Variants in PRELID3B observed in about 807,000 individuals in gnomAD.
The protein encoded by PRELID3B is PRELI domain containing protein 3B.
A neutral mutation model predicts 24.0 loss-of-function variants in PRELID3B; 15 were observed. That is an observed-to-expected ratio of 0.63 (90% CI 0.42 to 0.96). The LOEUF (loss-of-function observed/expected upper bound fraction) is 0.96. Ranked by LOEUF, PRELID3B falls within the 40% of genes least tolerant of loss-of-function variation. PRELID3B has a pLI of 0.00. For synonymous variants in PRELID3B, 62 were observed against 76.0 expected (o/e 0.82, Z 0.96); for missense variants, 189 against 236.0 (o/e 0.80, Z 1.30).
rs758339262 is a variant in PRELID3B at position 59,036,675 on chromosome 20, A to G, written c.362+15T>C. On this transcript the variant is annotated intron_variant, in intron 4 of 5. Transcript: ENST00000355937. ...CACCCTTTACGATACATTTGTTAAA[A>G]TATTTTTTACTCACTTTTCTGGATC... is the stretch of plus-strand genomic sequence containing the variant. The G allele has an allele frequency of 2.0e-5, 32 of 1,593,052 alleles. No homozygotes were observed. Among genetic ancestry groups the G allele is most frequent in the Non-Finnish European group, 2.7e-5 (31 of 1,165,664 alleles).
chr20:59,036,903 C>G, intron 3 of PRELID3B, 143 bp from the exon 4 acceptor site: 1 of 641,222 alleles, frequency 1.6e-6, no homozygotes, highest in South Asian at 2.0e-5. Flanking sequence ...ATAAACTATT[C>G]ACTGCCTACT....
Position 59,037,278 on chromosome 20 carries a change from A to G in PRELID3B, c.204T>C (p.Leu68=), listed in dbSNP as rs1160365925. The G allele has an allele frequency of 3.7e-6, 6 of 1,609,798 alleles. No individual in the cohort carries two copies. The highest frequency in any genetic ancestry group is 2.2e-5 in the East Asian group (1 of 44,862). ...ATGTTTTCGTTCTTGCTGCACCAATAAGCTAAGTAAAACATTCAGAACTAG... is the reference window on the plus strand; with the variant it reads ...ATGTTTTCGTTCTTGCTGCACCAATGAGCTAAGTAAAACATTCAGAACTAG... ...EWGLPSIVKS[L]IGAARTKTYV... The change falls in exon 3 of 6, where the codon CTT becomes CTC. Residue 68 remains leucine, a splice_region_variant and synonymous_variant. Coordinates refer to ENST00000355937, the MANE Select transcript of PRELID3B (RefSeq NM_016045.3).
At chr20:59,036,257 T>C (rs1281842072) in intron 5 of PRELID3B, among the ~76,000 whole-genome samples, 1 of 152,178 alleles carries the variant, frequency 6.6e-6, no homozygotes, top group African/African-American at 2.4e-5. Context: ...AACTGAGGCA[T>C]AGAAAGGTTA....
intron 5 of PRELID3B, among the ~76,000 whole-genome samples, chr20:59,035,769 C>G (rs141490673): frequency 0.011 from 1,707 of 152,296 alleles, 11 homozygotes; most frequent in Admixed American, 0.028. Context: ...CTTAGTTCCA[C>G]GGGGGCAGGG....
intron 1 of PRELID3B, among the ~76,000 whole-genome samples, chr20:59,041,433 C>T (rs115825198): frequency 0.011 from 1,615 of 152,312 alleles, 20 homozygotes; most frequent in Middle Eastern, 0.037. Context: ...CCTTCAGAGG[C>T]CGGGCACAGT....
At chr20:59,042,631 C>T in intron 1 of PRELID3B, 68 bp downstream of exon 1, 2 of 1,538,968 alleles carry the variant, frequency 1.3e-6, no homozygotes. Flanking sequence ...CGGGCCGCCT[C>T]TGCCTCGCCT....
In PRELID3B at chr20:59,038,507, G is replaced by C; in HGVS notation, c.160C>G (p.Leu54Val). The C allele has an allele frequency of 6.2e-7, 1 of 1,613,918 alleles. No homozygotes were observed. The highest frequency in any genetic ancestry group is 8.5e-7 in the Non-Finnish European group (1 of 1,179,838). ...GGCAGTCCCCACTCTGTGCTGAGAA[G>C]TCTGTGGCTGTGCAACTTTCCAGAG... ...DPSGKLHSHR[L>V]LSTEWGLPSI... The change falls in exon 2 of 6, where the codon CTT becomes GTT. Residue 54 changes from leucine (L) to valine (V), a missense_variant. Physicochemically the swap from Leu to Val is conservative, Grantham distance 32. Coordinates refer to ENST00000355937, the MANE Select transcript of PRELID3B (RefSeq NM_016045.3).
intron 1 of PRELID3B, 146 bp downstream of exon 1, chr20:59,042,553 G>A: frequency 3.7e-6 from 2 of 545,694 alleles, no homozygotes; most frequent in Non-Finnish European, 5.9e-6. Context: ...TCTGCCCTCC[G>A]TGTCGCCGGG....
chr20:59,039,324 C>T (rs751345384), intron 1 of PRELID3B, among the ~76,000 whole-genome samples: 1 of 152,234 alleles, frequency 6.6e-6, no homozygotes, highest in Non-Finnish European at 1.5e-5. Context: ...ATAATAAGCA[C>T]TTGCTTATCA....
At chr20:59,041,691 C>G (rs1407958097) in intron 1 of PRELID3B, among the ~76,000 whole-genome samples, 1 of 152,124 alleles carries the variant, frequency 6.6e-6, no homozygotes, top group African/African-American at 2.4e-5. Context: ...GCCAAGAACA[C>G]GCCACTACTC....
intron 3 of PRELID3B, 94 bp from the exon 4 acceptor site, chr20:59,036,854 A>G: frequency 5.1e-6 from 4 of 782,550 alleles, no homozygotes; most frequent in Non-Finnish European, 8.2e-6. Flanking sequence ...AAATCTTACT[A>G]AACATACAAA....
intron 1 of PRELID3B, among the ~76,000 whole-genome samples, chr20:59,042,009 C>T (rs2092113707): frequency 6.6e-6 from 1 of 152,182 alleles, no homozygotes; most frequent in Non-Finnish European, 1.5e-5. Flanking sequence ...TTCACATTAT[C>T]CAAAAAGATG....
Position 59,034,890 on chromosome 20 carries a change from C to CAAAAAAAAA in PRELID3B, c.*108_*116dup. The CAAAAAAAAA allele has an allele frequency of 3.0e-6, 2 of 665,896 alleles. No homozygotes were observed. Among genetic ancestry groups the CAAAAAAAAA allele is most frequent in the South Asian group, 4.9e-5 (1 of 20,396 alleles). 41.2% of individuals were successfully genotyped at this position (665,896 alleles called of 1,614,324 possible). A position where few individuals can be genotyped will look rare whatever the true frequency, so the allele number is the denominator to read the frequency against. ...GTCACATAGCCTTACACCAACTTATCAAAAAAAAAAAAAAAAAAACTACCC... is the reference window on the plus strand; with the variant it reads ...GTCACATAGCCTTACACCAACTTATCAAAAAAAAAAAAAAAAAAAAAAAAAAAACTACCC... On this transcript the variant is annotated 3_prime_UTR_variant, in exon 6 of 6. Transcript: ENST00000355937.
intron 3 of PRELID3B, 140 bp from the exon 4 acceptor site, chr20:59,036,900 AT>A (rs2092077144): frequency 3.1e-6 from 2 of 643,026 alleles, no homozygotes; most frequent in Non-Finnish European, 5.4e-6. Context: ...TGCATAAACT[AT>A]TCACTGCCTA....
At chr20:59,042,274 C>G (rs2092115472) in intron 1 of PRELID3B, among the ~76,000 whole-genome samples, 1 of 152,260 alleles carries the variant, frequency 6.6e-6, no homozygotes, top group African/African-American at 2.4e-5. Flanking sequence ...GGAAAGTACA[C>G]TCTGGAGAAA....
In PRELID3B at chr20:59,042,725, C is replaced by T. The variant is rs1369822360; in HGVS notation, c.6G>A (p.Lys2=). M[K]IWTSEHVFDH... ...CAAAGACGTGCTCCGAAGTCCAGAT[C>T]TTCATGGTGCCGGCACCCTGAGAGA... The change falls in exon 1 of 6, where the codon AAG becomes AAA. Residue 2 remains lysine (K), a synonymous_variant. Coordinates refer to ENST00000355937, the MANE Select transcript of PRELID3B (RefSeq NM_016045.3). The T allele has an allele frequency of 8.1e-6, 13 of 1,602,244 alleles. No individual in the cohort carries two copies. The highest frequency in any genetic ancestry group is 4.5e-5 in the East Asian group (2 of 44,462).
In PRELID3B at chr20:59,036,511, T is replaced by G; in HGVS notation, c.425A>C (p.Glu142Ala). 6.2e-7 allele frequency: 1 copy of G among 1,614,148 alleles called. No homozygotes were observed. The highest frequency in any genetic ancestry group is 1.1e-5 in the South Asian group (1 of 91,080). Residue 142 changes from glutamate (E) to alanine (A), a missense_variant, in exon 5 of 6, where the codon GAA becomes GCA. Physicochemically the swap from Glu to Ala is moderately radical, Grantham distance 107. Transcript: ENST00000355937. ...GGATATCGTACTTGCCATCAGTCCT[T>G]CAAGGTAACTGCTGAGGCTAACTCC... is the stretch of plus-strand genomic sequence containing the variant. The part of the protein sequence containing the change: ...VKGVSLSSYL[E>A]GLMASTISSN...
rs1251437428 is a variant in PRELID3B at position 59,034,470 on chromosome 20, A to G, written c.*537T>C. On this transcript the variant is annotated 3_prime_UTR_variant, in exon 6 of 6. Transcript: ENST00000355937. The stretch of plus-strand genomic sequence containing the variant: ...CTTTAGTGATAATTTTCACTCCAAA[A>G]ATATTTAAGTACCAAATCAAAACAC... 6.5e-6 allele frequency: 1 copy of G among 152,680 alleles called. No individual in the cohort carries two copies. Among genetic ancestry groups the G allele is most frequent in the Non-Finnish European group, 1.5e-5 (1 of 68,068 alleles). The allele number at this position is 152,680 out of a possible 1,614,324, so 9.5% of individuals were successfully genotyped here.
At chr20:59,041,401 G>T (rs887258684) in intron 1 of PRELID3B, among the ~76,000 whole-genome samples, 1 of 152,174 alleles carries the variant, frequency 6.6e-6, no homozygotes, top group South Asian at 2.1e-4. Flanking sequence ...GAGTACAAAT[G>T]CGGACAACGT....
Sources: allele counts gnomAD v4.1 joint callset (sites outside exome capture counted in the v4.1 genomes callset), GRCh38; gene constraint gnomAD v4.1.1; transcripts MANE v1.5; gene names NCBI Gene and HGNC (gene_info 2026-07-23, HGNC 2026-07-21).